Variants in DPP10 observed in about 807,000 individuals in gnomAD.
DPP10 encodes the protein dipeptidyl peptidase like 10.
A neutral mutation model predicts 120.9 loss-of-function variants in DPP10; 33 were observed. The observed-to-expected ratio is 0.27, with a 90% CI of 0.21 to 0.37. DPP10 has a LOEUF of 0.37. Ranked by LOEUF, DPP10 falls within the 10% of genes least tolerant of loss-of-function variation. The probability of loss-of-function intolerance (pLI) is 1.00; values close to 1 mark genes in which losing one functional copy is unlikely to be tolerated. For missense variants in DPP10, 816 were observed against 942.8 expected (o/e 0.87, Z 1.76); for synonymous variants, 337 against 326.1 (o/e 1.03, Z -0.36).
chr2:114,853,377 A>G (rs1427755892), intron 1 of DPP10, among the ~76,000 whole-genome samples: 2 of 152,116 alleles, frequency 1.3e-5, no homozygotes, highest in East Asian at 1.9e-4. Context: ...CAGCAAGACC[A>G]TCATTCTGAT....
At chr2:114,636,323 T>A (rs575515989) in intron 1 of DPP10, among the ~76,000 whole-genome samples, 1 of 152,026 alleles carries the variant, frequency 6.6e-6, no homozygotes, top group East Asian at 1.9e-4. Context: ...ATAATTTTTA[T>A]AGCTTCAACA....
At chr2:114,792,090 T>C (rs1683300006) in intron 1 of DPP10, among the ~76,000 whole-genome samples, 1 of 152,206 alleles carries the variant, frequency 6.6e-6, no homozygotes, top group Admixed American at 6.5e-5. Context: ...TTTTAACCTG[T>C]ATTGCGAATT....
chr2:115,495,158 A>G (rs564625487), intron 3 of DPP10, among the ~76,000 whole-genome samples: 1 of 152,030 alleles, frequency 6.6e-6, no homozygotes, highest in Non-Finnish European at 1.5e-5. Flanking sequence ...GCGAAATATG[A>G]ATAGGGTTGG....
At chr2:115,826,047 T>C (rs943353912) in intron 21 of DPP10, among the ~76,000 whole-genome samples, 1 of 152,214 alleles carries the variant, frequency 6.6e-6, no homozygotes, top group Non-Finnish European at 1.5e-5. Context: ...TTACATTTTG[T>C]TGTCAGAATT....
chr2:115,776,022 C>T (rs1191810678), intron 13 of DPP10, among the ~76,000 whole-genome samples: 1 of 152,080 alleles, frequency 6.6e-6, no homozygotes, highest in African/African-American at 2.4e-5. Flanking sequence ...TTGCCAAAAG[C>T]TTTATTCATA....
intron 5 of DPP10, among the ~76,000 whole-genome samples, chr2:115,609,337 C>T (rs565944313): frequency 2.4e-4 from 37 of 151,072 alleles, no homozygotes; most frequent in African/African-American, 7.0e-4. Flanking sequence ...CAATATGTTG[C>T]GGGAAAAAAA....
At chr2:114,989,399 G>C (rs1316620385) in intron 1 of DPP10, among the ~76,000 whole-genome samples, 1 of 152,136 alleles carries the variant, frequency 6.6e-6, no homozygotes, top group Non-Finnish European at 1.5e-5. Flanking sequence ...GGAAGTGAAC[G>C]GTGCTCCAAA....
chr2:114,725,144 G>T (rs1701962092), intron 1 of DPP10, among the ~76,000 whole-genome samples: 1 of 152,032 alleles, frequency 6.6e-6, no homozygotes, highest in Admixed American at 6.6e-5. Context: ...ACTTCCCAGG[G>T]CAACTTGGAA....
chr2:115,679,093 C>T (rs1443852863), intron 5 of DPP10, among the ~76,000 whole-genome samples: 1 of 151,976 alleles, frequency 6.6e-6, no homozygotes, highest in African/African-American at 2.4e-5. Flanking sequence ...TCAGATGAGA[C>T]TTTGGACTAT....
intron 1 of DPP10, among the ~76,000 whole-genome samples, chr2:115,178,005 C>T (rs1261582228): frequency 6.6e-6 from 1 of 152,220 alleles, no homozygotes; most frequent in East Asian, 1.9e-4. Context: ...CCTCGTGATC[C>T]ACCTGCCTCG....
chr2:115,464,442 A>AC (rs1323692915), intron 3 of DPP10, among the ~76,000 whole-genome samples: 2 of 152,020 alleles, frequency 1.3e-5, no homozygotes, highest in Non-Finnish European at 2.9e-5. Flanking sequence ...AAACAAACAA[A>AC]AAAAACAGCG....
chr2:115,668,865 C>T (rs1047045771), intron 5 of DPP10, among the ~76,000 whole-genome samples: 3 of 152,090 alleles, frequency 2.0e-5, no homozygotes, highest in Non-Finnish European at 4.4e-5. Context: ...TACTATCAGC[C>T]TTAGGTAGGA....
intron 1 of DPP10, among the ~76,000 whole-genome samples, chr2:115,209,089 A>T (rs1482631563): frequency 6.6e-6 from 1 of 152,066 alleles, no homozygotes; most frequent in Non-Finnish European, 1.5e-5. Flanking sequence ...TGAAGCATTT[A>T]TTTTTTATTT....
intron 1 of DPP10, among the ~76,000 whole-genome samples, chr2:115,006,544 CA>C (rs1219120730): frequency 1.4e-5 from 2 of 147,262 alleles, no homozygotes; most frequent in African/African-American, 2.5e-5. Flanking sequence ...AAATGGAAAA[CA>C]AAAAAAGGCA....
intron 5 of DPP10, among the ~76,000 whole-genome samples, chr2:115,658,901 C>T (rs983374148): frequency 2.0e-5 from 3 of 152,086 alleles, no homozygotes; most frequent in African/African-American, 7.2e-5. Context: ...TCAAGGACTA[C>T]ACAGAGTAAA....
intron 1 of DPP10, among the ~76,000 whole-genome samples, chr2:114,841,179 A>G (rs767560670): frequency 6.6e-6 from 1 of 152,312 alleles, no homozygotes; most frequent in South Asian, 2.1e-4. Context: ...GGGAAAAAGC[A>G]ATCTTTTCAA....
At chr2:114,651,059 C>T (rs1696547008) in intron 1 of DPP10, among the ~76,000 whole-genome samples, 1 of 152,180 alleles carries the variant, frequency 6.6e-6, no homozygotes, top group Non-Finnish European at 1.5e-5. Context: ...TTTGGTCTAT[C>T]TCCTAGTAAG....
rs571168792 is a variant in DPP10 at position 114,995,246 on chromosome 2, T to C, written c.61-313993T>C. Among the ~76,000 whole-genome samples, 5 of 152,356 alleles carry C rather than the reference T, an allele frequency of 3.3e-5. No homozygotes were observed. The Middle Eastern group carries it at 0.017, about 518-fold the overall frequency. ...CAAATGCTCACCTGCAATGTGTTCATTATACTTGTTGTGGCAATGCATAAC... is the reference window on the plus strand; with the variant it reads ...CAAATGCTCACCTGCAATGTGTTCACTATACTTGTTGTGGCAATGCATAAC... On this transcript the variant is annotated intron_variant, in intron 1 of 25. Coordinates refer to ENST00000410059, the MANE Select transcript of DPP10 (RefSeq NM_020868.6).
At chr2:115,379,923 T>G (rs1423523990) in intron 3 of DPP10, among the ~76,000 whole-genome samples, 1 of 152,220 alleles carries the variant, frequency 6.6e-6, no homozygotes, top group Non-Finnish European at 1.5e-5. Flanking sequence ...AGAGATAGTT[T>G]GTTATAATTT....
Sources: gnomAD v4.1 joint callset for allele counts (sites outside exome capture counted in the v4.1 genomes callset) on GRCh38, gnomAD v4.1.1 for gene constraint, MANE v1.5 for transcripts, NCBI Gene and HGNC (gene_info 2026-07-23, HGNC 2026-07-21) for gene names.